MAD1L1: variants seen among roughly 807,000 people sequenced by gnomAD.
MAD1L1 encodes the protein mitotic arrest deficient 1 like 1, also known as mitotic spindle assembly checkpoint protein MAD1.
A neutral mutation model predicts 96.9 loss-of-function variants in MAD1L1; 95 were observed. That is an observed-to-expected ratio of 0.98 (90% CI 0.83 to 1.16). MAD1L1 has a LOEUF of 1.16. Ranked by LOEUF, MAD1L1 falls within the 50% of genes most tolerant of loss-of-function variation. MAD1L1 has a pLI of 0.00. For synonymous variants in MAD1L1, 473 were observed against 396.6 expected, an observed-to-expected ratio of 1.19 and a Z score of -2.29; for missense variants, 1,007 against 954.4, an observed-to-expected ratio of 1.06 and a Z score of -0.73.
chr7:2,205,084 C>CTTTTTTTTTTTT (rs56101356), intron 10 of MAD1L1, among the ~76,000 whole-genome samples: 4 of 103,862 alleles, frequency 3.9e-5, no homozygotes, highest in South Asian at 3.4e-4. Flanking sequence ...AGGATCTTTT[C>CTTTTTTTTTTTT]TTTTTTTTTT....
intron 17 of MAD1L1, among the ~76,000 whole-genome samples, chr7:1,907,232 C>T (rs543081448): frequency 6.6e-6 from 1 of 152,304 alleles, no homozygotes; most frequent in Non-Finnish European, 1.5e-5. Flanking sequence ...AGCTCCTGCC[C>T]GACCTGGACC....
intron 11 of MAD1L1, among the ~76,000 whole-genome samples, chr7:2,097,604 C>T (rs1371124327): frequency 6.6e-6 from 1 of 152,202 alleles, no homozygotes; most frequent in South Asian, 2.1e-4. Context: ...AGGGTGAGAA[C>T]CCAGGCAGCA....
At chr7:1,888,297 C>T (rs915007206) in intron 18 of MAD1L1, among the ~76,000 whole-genome samples, 5 of 111,674 alleles carry the variant, frequency 4.5e-5, no homozygotes. Context: ...TGCATGCATG[C>T]GTCTATGTGA....
chr7:2,181,561 G>A (rs922071529), intron 10 of MAD1L1, among the ~76,000 whole-genome samples: 27 of 152,308 alleles, frequency 1.8e-4, no homozygotes, highest in African/African-American at 6.5e-4. Flanking sequence ...GGATGTGGTG[G>A]AAAAAGGAAC....
intron 11 of MAD1L1, among the ~76,000 whole-genome samples, chr7:2,081,267 C>T (rs1262437019): frequency 1.3e-5 from 2 of 152,108 alleles, no homozygotes; most frequent in East Asian, 1.9e-4. Context: ...TCACTTGGGG[C>T]CAGGGTTGCC....
intron 12 of MAD1L1, among the ~76,000 whole-genome samples, chr7:2,062,292 C>A (rs1041675651): frequency 1.3e-5 from 2 of 148,446 alleles, no homozygotes; most frequent in African/African-American, 5.0e-5. Flanking sequence ...AATTGAAGGC[C>A]GGACACAGTG....
At position 2,142,523 on chromosome 7, in the gene MAD1L1, C is replaced by T. The variant is rs547063721; in HGVS notation, c.1073+6629G>A. 2.0e-5 allele frequency among the ~76,000 whole-genome samples: 3 copies of T among 152,358 alleles called. No homozygotes were observed. Among genetic ancestry groups the T allele is most frequent in the East Asian group, 1.9e-4 (1 of 5,190 alleles). ...GCGGGTTCTCTGCTGCCGGACGGAG[C>T]GCCCCTAGCTGCCACTGAGCCCACG... is the stretch of plus-strand genomic sequence containing the variant. On this transcript the variant is annotated intron_variant, in intron 11 of 18. Coordinates refer to ENST00000265854, the MANE Select transcript of MAD1L1 (RefSeq NM_001013836.2). This position sits in a 1 kb window ranked among gnomAD's most constrained non-coding sequence, Gnocchi z 4.7.
At chr7:1,908,789 C>G (rs1399275712) in intron 17 of MAD1L1, among the ~76,000 whole-genome samples, 1 of 152,184 alleles carries the variant, frequency 6.6e-6, no homozygotes, top group East Asian at 1.9e-4. Context: ...GTAGCAGAGC[C>G]GTGTCTCTGT....
chr7:1,932,732 G>A (rs1789553024), intron 17 of MAD1L1, among the ~76,000 whole-genome samples: 1 of 152,232 alleles, frequency 6.6e-6, no homozygotes, highest in African/African-American at 2.4e-5. Context: ...CTCCCGGGAG[G>A]CAGGGAGCTG....
At chr7:2,053,172 T>A (rs553074063) in intron 12 of MAD1L1, among the ~76,000 whole-genome samples, 53 of 152,330 alleles carry the variant, frequency 3.5e-4, no homozygotes, top group African/African-American at 1.2e-3. Context: ...ATTGCTGACA[T>A]TAGCTCAGGC....
In MAD1L1 at chr7:2,103,075, C is replaced by G. The variant is rs1786899302; in HGVS notation, c.1074-33737G>C. ...CGCTGGGTCAGGCCTGGCCACGCTG[C>G]CTGCCTGCTGGAGACGCGCGTCCTC... On this transcript the variant is annotated intron_variant, in intron 11 of 18. Coordinates refer to ENST00000265854, the MANE Select transcript of MAD1L1 (RefSeq NM_001013836.2). This position sits in a 1 kb window ranked among gnomAD's most constrained non-coding sequence, Gnocchi z 4.3. Among the ~76,000 whole-genome samples the G allele has an allele frequency of 6.6e-6, 1 of 152,208 alleles. No individual in the cohort carries two copies. The highest frequency in any genetic ancestry group is 1.5e-5 in the Non-Finnish European group (1 of 68,040).
chr7:1,830,606 T>C (rs35641411), intron 18 of MAD1L1, among the ~76,000 whole-genome samples: 69,760 of 151,546 alleles, frequency 0.46, 16,211 homozygotes, highest in African/African-American at 0.52. Flanking sequence ...AAATAAAATA[T>C]ATTATAAGCA....
At chr7:1,953,480 G>A (rs920062983) in intron 16 of MAD1L1, among the ~76,000 whole-genome samples, 12 of 152,338 alleles carry the variant, frequency 7.9e-5, no homozygotes, top group African/African-American at 2.4e-4. Flanking sequence ...GCCCAAACAA[G>A]CACCATGATG....
chr7:2,139,308 G>C (rs1391409147), intron 11 of MAD1L1, among the ~76,000 whole-genome samples: 2 of 147,780 alleles, frequency 1.4e-5, no homozygotes, highest in Non-Finnish European at 3.0e-5. Context: ...CCCCACCCTA[G>C]CTCACGGGAC....
chr7:1,987,830 G>A (rs924466284), intron 14 of MAD1L1, among the ~76,000 whole-genome samples: 27 of 152,192 alleles, frequency 1.8e-4, no homozygotes, highest in Non-Finnish European at 1.5e-4. Context: ...TAACTCACAG[G>A]CACCTGTGCC....
intron 11 of MAD1L1, among the ~76,000 whole-genome samples, chr7:2,102,794 C>G (rs887028163): frequency 3.9e-5 from 6 of 152,130 alleles, no homozygotes; most frequent in African/African-American, 1.4e-4. Flanking sequence ...TCATGGCCGT[C>G]ACCGTCTCCA....
At chr7:1,947,187 G>A (rs892530662) in intron 16 of MAD1L1, among the ~76,000 whole-genome samples, 1 of 152,192 alleles carries the variant, frequency 6.6e-6, no homozygotes, top group South Asian at 2.1e-4. Flanking sequence ...GGGTGCCATG[G>A]GCCCTTGGCT....
At chr7:2,183,764 A>T (rs1791317874) in intron 10 of MAD1L1, among the ~76,000 whole-genome samples, 2 of 150,442 alleles carry the variant, frequency 1.3e-5, no homozygotes, top group South Asian at 2.2e-4. Flanking sequence ...GGGTGGGGGG[A>T]GCGGGGAGGG....
In MAD1L1 at chr7:2,202,339, C is replaced by T. The variant is rs571158809; in HGVS notation, c.986+10873G>A. On this transcript the variant is annotated intron_variant, in intron 10 of 18. Transcript: ENST00000265854. ...AGAGATGGCAGGCACCGTGCTCGGA[C>T]GGAGCTGGGAACCTGGCTCACGCCC... Among the ~76,000 whole-genome samples the T allele has an allele frequency of 6.6e-5, 10 of 152,352 alleles. No homozygotes were observed. In the East Asian group the frequency reaches 7.7e-4, roughly 12 times the overall value.
Sources: gnomAD v4.1 joint callset for allele counts (sites outside exome capture counted in the v4.1 genomes callset) on GRCh38, gnomAD v4.1.1 for gene constraint, Gnocchi (gnomAD v3.1) non-coding constraint, MANE v1.5 for transcripts, NCBI Gene and HGNC (gene_info 2026-07-23, HGNC 2026-07-21) for gene names.